BNC2: variants seen among roughly 807,000 people sequenced by gnomAD.
BNC2 encodes zinc finger protein basonuclin-2.
Under a neutral mutation model 76.3 loss-of-function variants are expected in BNC2, and 20 were observed. That is an observed-to-expected ratio of 0.26 (90% CI 0.18 to 0.38). The LOEUF is 0.38. Ranked by LOEUF, BNC2 falls within the 10% of genes least tolerant of loss-of-function variation. The pLI, the probability that BNC2 is intolerant of heterozygous loss-of-function variation, is 1.00. For missense variants in BNC2, 1,382 were observed against 1,399.8 expected (o/e 0.99, Z 0.20); for synonymous variants, 582 against 514.8 (o/e 1.13, Z -1.77).
chr9:16,482,634 C>A (rs897933896), intron 5 of BNC2, among the ~76,000 whole-genome samples: 1 of 151,886 alleles, frequency 6.6e-6, no homozygotes, highest in Non-Finnish European at 1.5e-5. Flanking sequence ...ACTTTCCAAC[C>A]CCACAGCCGG....
At chr9:16,792,341 C>T (rs1224818194) in intron 1 of BNC2, among the ~76,000 whole-genome samples, 1 of 152,168 alleles carries the variant, frequency 6.6e-6, no homozygotes, top group Non-Finnish European at 1.5e-5. Flanking sequence ...GGAAGTGTAA[C>T]TCCGTAAGTG....
chr9:16,822,051 C>T (rs1230543980), intron 1 of BNC2, among the ~76,000 whole-genome samples: 2 of 148,270 alleles, frequency 1.3e-5, no homozygotes, highest in Non-Finnish European at 3.0e-5. Context: ...CGAGATCGCG[C>T]CACTGCACTC....
At position 16,414,861 on chromosome 9, in the gene BNC2, T is replaced by C. The variant is rs1820550793; in HGVS notation, c.*4128A>G. 1 of 152,022 alleles carries C rather than the reference T, an allele frequency of 6.6e-6. No individual in the cohort carries two copies. Among genetic ancestry groups the C allele is most frequent in the South Asian group, 2.1e-4 (1 of 4,796 alleles). The allele number at this position is 152,022 out of a possible 1,614,324, so 9.4% of individuals were successfully genotyped here. A position where few individuals can be genotyped will look rare whatever the true frequency, so the allele number is the denominator to read the frequency against. ...CACATTGTATTTGGTGGGAACCTAG[T>C]GCATAGTTTCTCCTGAGGAGAAGCC... On this transcript the variant is annotated 3_prime_UTR_variant, in exon 7 of 7. Coordinates refer to ENST00000380672, the MANE Select transcript of BNC2 (RefSeq NM_017637.6).
intron 1 of BNC2, among the ~76,000 whole-genome samples, chr9:16,849,605 C>T (rs749699706): frequency 2.6e-5 from 4 of 152,002 alleles, no homozygotes; most frequent in African/African-American, 4.8e-5. Flanking sequence ...GTGACCTACT[C>T]GCCTCTGCCT....
chr9:16,650,225 CG>C (rs1398659008), intron 3 of BNC2, among the ~76,000 whole-genome samples: 1 of 152,136 alleles, frequency 6.6e-6, no homozygotes, highest in Non-Finnish European at 1.5e-5. Context: ...TATTCTTAAA[CG>C]GAATTTTACT....
chr9:16,788,530 GC>G (rs1826373115), intron 1 of BNC2, among the ~76,000 whole-genome samples: 1 of 147,274 alleles, frequency 6.8e-6, no homozygotes, highest in African/African-American at 2.5e-5. Context: ...TCCACCCTGG[GC>G]GACAGAGCAA....
intron 5 of BNC2, among the ~76,000 whole-genome samples, chr9:16,462,487 G>A (rs1472914648): frequency 2.0e-5 from 3 of 152,074 alleles, no homozygotes; most frequent in Non-Finnish European, 4.4e-5. Flanking sequence ...AACTCCTGCT[G>A]GCAAAATGAT....
intron 5 of BNC2, among the ~76,000 whole-genome samples, chr9:16,539,337 C>T (rs1007014374): frequency 5.3e-5 from 8 of 151,380 alleles, no homozygotes; most frequent in East Asian, 1.9e-4. Flanking sequence ...CTGGGCAATA[C>T]GATAAAATCC....
Position 16,418,947 on chromosome 9 carries a change from G to A in BNC2, c.*42C>T. 3 of 1,607,598 alleles carry A rather than the reference G, an allele frequency of 1.9e-6. No homozygotes were observed. Among genetic ancestry groups the A allele is most frequent in the Non-Finnish European group, 2.6e-6 (3 of 1,174,988 alleles). On this transcript the variant is annotated 3_prime_UTR_variant, in exon 7 of 7. Coordinates refer to ENST00000380672, the MANE Select transcript of BNC2 (RefSeq NM_017637.6). Reference sequence around the variant, plus strand: ...TGACTATGGCAGTTCAAACACGTAGGCCATCTGGTGAGAGCTGGCATTTGT... The same window carrying A: ...TGACTATGGCAGTTCAAACACGTAGACCATCTGGTGAGAGCTGGCATTTGT...
At chr9:16,552,047 T>C (rs1384339886) in intron 5 of BNC2, among the ~76,000 whole-genome samples, 1 of 152,150 alleles carries the variant, frequency 6.6e-6, no homozygotes, top group Non-Finnish European at 1.5e-5. Flanking sequence ...AGTTCTACCT[T>C]TGAGTTGGCT....
chr9:16,803,855 G>A (rs1010475176), intron 1 of BNC2, among the ~76,000 whole-genome samples: 1 of 152,214 alleles, frequency 6.6e-6, no homozygotes, highest in African/African-American at 2.4e-5. Flanking sequence ...TAAGGAGTGC[G>A]ATCTTGCATT....
At chr9:16,739,171 T>C (rs1428730077) in intron 1 of BNC2, among the ~76,000 whole-genome samples, 4 of 152,120 alleles carry the variant, frequency 2.6e-5, no homozygotes, top group South Asian at 2.1e-4. Flanking sequence ...CAGTGGTTGA[T>C]AGGAACTATT....
At chr9:16,681,657 C>A (rs1418760338) in intron 3 of BNC2, among the ~76,000 whole-genome samples, 2 of 152,120 alleles carry the variant, frequency 1.3e-5, no homozygotes, top group African/African-American at 4.8e-5. Context: ...CCCCTCCCTT[C>A]CCCCACTAAA....
intron 3 of BNC2, among the ~76,000 whole-genome samples, chr9:16,633,139 T>C (rs1821214819): frequency 7.2e-5 from 11 of 152,230 alleles, no homozygotes; most frequent in Admixed American, 7.2e-4. Context: ...CATAATTTTC[T>C]GCGCAATTTG....
intron 3 of BNC2, among the ~76,000 whole-genome samples, chr9:16,718,796 T>G (rs1393683179): frequency 6.6e-6 from 1 of 152,186 alleles, no homozygotes; most frequent in Non-Finnish European, 1.5e-5. Flanking sequence ...TCACTGCCTC[T>G]GAGGAAGTCA....
intron 5 of BNC2, among the ~76,000 whole-genome samples, chr9:16,475,496 C>T (rs1341692373): frequency 2.6e-5 from 4 of 152,192 alleles, no homozygotes; most frequent in African/African-American, 9.7e-5. Flanking sequence ...CTTAAGCATC[C>T]ACTCAGATTC....
chr9:16,720,913 C>T (rs1242464640), intron 3 of BNC2, among the ~76,000 whole-genome samples: 1 of 152,116 alleles, frequency 6.6e-6, no homozygotes, highest in Admixed American at 6.5e-5. Flanking sequence ...CTGTCTCCAC[C>T]CAAATGAACT....
intron 1 of BNC2, among the ~76,000 whole-genome samples, chr9:16,774,353 G>A (rs1460772135): frequency 1.3e-5 from 2 of 152,122 alleles, no homozygotes; most frequent in Admixed American, 6.5e-5. Context: ...ACTGCACATC[G>A]AACTGAATCT....
At chr9:16,727,554 A>T in intron 3 of BNC2, 1 of 521,014 alleles carries the variant, frequency 1.9e-6, no homozygotes, top group Non-Finnish European at 3.4e-6. Flanking sequence ...CTTTTCAACA[A>T]TGTCTCTGCT....
Sources: gnomAD v4.1 joint callset for allele counts (sites outside exome capture counted in the v4.1 genomes callset) on GRCh38, gnomAD v4.1.1 for gene constraint, MANE v1.5 for transcripts, NCBI Gene and HGNC (gene_info 2026-07-23, HGNC 2026-07-21) for gene names.